Variants in CSMD2 observed in about 807,000 individuals in gnomAD.
CSMD2 encodes the protein CUB and Sushi multiple domains 2.
In CSMD2, 130 loss-of-function variants were observed where a neutral mutation model predicts 398.5. The ratio of observed to expected loss-of-function variants is 0.33; its 90% CI spans 0.28 to 0.38. The LOEUF is 0.38. Ranked by LOEUF, CSMD2 falls within the 10% of genes least tolerant of loss-of-function variation. The pLI is 1.00. For synonymous variants in CSMD2, 1,828 were observed against 1,908.5 expected (o/e 0.96, Z 1.10); for missense variants, 3,829 against 4,764.9 (o/e 0.80, Z 5.78).
intron 10 of CSMD2, among the ~76,000 whole-genome samples, chr1:33,808,659 G>C (rs1376153939): frequency 6.6e-6 from 1 of 151,712 alleles, no homozygotes; most frequent in Non-Finnish European, 1.5e-5. Flanking sequence ...AATGAACAAA[G>C]CATCAAAATT....
rs142807994 is a variant in CSMD2, at chr1:34,085,631, T to A, written c.404+3346A>T. ...AGAGGAGACAGAAGATTTTTTGAGG[T>A]TTAGGGGGAAAAGAGCTGACCATTT... On this transcript the variant is annotated intron_variant, in intron 2 of 70. Coordinates refer to ENST00000373381, the MANE Select transcript of CSMD2 (RefSeq NM_001281956.2). Among the ~76,000 whole-genome samples, 940 of 152,160 alleles carry A rather than the reference T, an allele frequency of 6.2e-3. 9 individuals carry two copies. Among genetic ancestry groups the A allele is most frequent in the African/African-American group, 0.022 (901 of 41,526 alleles).
At chr1:33,800,761 CCAGA>C (rs1655500234) in intron 10 of CSMD2, among the ~76,000 whole-genome samples, 1 of 152,082 alleles carries the variant, frequency 6.6e-6, no homozygotes, top group Non-Finnish European at 1.5e-5. Flanking sequence ...ATGGCCACAG[CCAGA>C]TCTGGGCGAG....
intron 5 of CSMD2, among the ~76,000 whole-genome samples, chr1:33,915,192 G>A (rs1486675725): frequency 2.0e-5 from 3 of 152,148 alleles, no homozygotes; most frequent in African/African-American, 7.2e-5. Flanking sequence ...AACAGGATCT[G>A]TTGTTTTTCT....
chr1:34,007,147 C>T (rs758873518), intron 3 of CSMD2, among the ~76,000 whole-genome samples: 8 of 152,072 alleles, frequency 5.3e-5, no homozygotes, highest in African/African-American at 1.2e-4. Context: ...AGGACTGGCC[C>T]GCCTCGACCT....
chr1:33,910,294 C>A (rs1643377196), intron 5 of CSMD2, among the ~76,000 whole-genome samples: 2 of 152,204 alleles, frequency 1.3e-5, no homozygotes, highest in African/African-American at 4.8e-5. Context: ...TCATATCCTG[C>A]ACTTCCTCTC....
intron 28 of CSMD2, among the ~76,000 whole-genome samples, chr1:33,648,783 A>G (rs1643599411): frequency 6.6e-6 from 1 of 152,212 alleles, no homozygotes; most frequent in Non-Finnish European, 1.5e-5. Flanking sequence ...CAAGAGTTTC[A>G]ATGGGAAATC....
At chr1:33,812,690 C>A (rs1656997350) in intron 9 of CSMD2, among the ~76,000 whole-genome samples, 1 of 152,130 alleles carries the variant, frequency 6.6e-6, no homozygotes, top group African/African-American at 2.4e-5. Context: ...TAAAATGGGA[C>A]AAATGATACC....
intron 1 of CSMD2, among the ~76,000 whole-genome samples, chr1:34,105,828 A>G (rs549453961): frequency 1.3e-5 from 2 of 152,370 alleles, no homozygotes; most frequent in African/African-American, 2.4e-5. Context: ...GTAATGTTCT[A>G]TGGAAATATC....
intron 1 of CSMD2, among the ~76,000 whole-genome samples, chr1:34,131,148 G>T (rs1362333234): frequency 6.6e-6 from 1 of 152,076 alleles, no homozygotes; most frequent in African/African-American, 2.4e-5. Context: ...CATGCACTAG[G>T]TCCCTGCAAG....
intron 2 of CSMD2, among the ~76,000 whole-genome samples, chr1:34,067,046 A>G (rs1202252684): frequency 6.6e-6 from 1 of 152,182 alleles, no homozygotes; most frequent in Non-Finnish European, 1.5e-5. Context: ...CAGGGAAGGC[A>G]CAGGCGAGGA....
intron 25 of CSMD2, among the ~76,000 whole-genome samples, chr1:33,677,399 A>T (rs1185368961): frequency 3.9e-5 from 6 of 152,242 alleles, no homozygotes; most frequent in Non-Finnish European, 5.9e-5. Flanking sequence ...TGCAAATCAA[A>T]ACCACAATGA....
intron 1 of CSMD2, among the ~76,000 whole-genome samples, chr1:34,138,287 G>C (rs1638949444): frequency 1.3e-5 from 2 of 152,198 alleles, no homozygotes; most frequent in African/African-American, 4.8e-5. Context: ...TTTCCTCCAG[G>C]AGAGGGATTT....
rs930473098 is a variant in CSMD2 at position 33,539,096 on chromosome 1, T to C, written c.9631+1429A>G. On this transcript the variant is annotated intron_variant, in intron 60 of 70. Coordinates refer to ENST00000373381, the MANE Select transcript of CSMD2 (RefSeq NM_001281956.2). ...CATTCTCCTGCCCCAACCTCCCGAG[T>C]AGGTGGGACTACAGGCGCCCGCCAC... is the stretch of plus-strand genomic sequence containing the variant. Among the ~76,000 whole-genome samples the C allele has an allele frequency of 3.3e-5, 5 of 152,108 alleles. 1 individual carries two copies. The highest frequency in any genetic ancestry group is 1.3e-4 in the Admixed American group (2 of 15,280).
intron 5 of CSMD2, among the ~76,000 whole-genome samples, chr1:33,891,098 TCA>T (rs1481989886): frequency 6.6e-6 from 1 of 151,686 alleles, no homozygotes; most frequent in Admixed American, 6.6e-5. Context: ...GAAACTACCA[TCA>T]GAGTGAACAG....
intron 22 of CSMD2, among the ~76,000 whole-genome samples, chr1:33,703,689 T>C (rs960682263): frequency 1.3e-5 from 2 of 152,252 alleles, no homozygotes; most frequent in East Asian, 1.9e-4. Context: ...CTCTAGAGCA[T>C]ACATCTAGCA....
At chr1:33,887,835 C>T (rs1641704785) in intron 5 of CSMD2, among the ~76,000 whole-genome samples, 1 of 151,966 alleles carries the variant, frequency 6.6e-6, no homozygotes, top group African/African-American at 2.4e-5. Flanking sequence ...TTACTTGCAG[C>T]TAATATGATT....
rs138429043 is a variant in CSMD2, at chr1:33,852,343, C to T, written c.921-5347G>A. Reference sequence around the variant, plus strand: ...GAAAGCCAGCAGCAATGGTTGAACCCACTGGCTCCAGAATAAAGTCCAAGC... The same window carrying T: ...GAAAGCCAGCAGCAATGGTTGAACCTACTGGCTCCAGAATAAAGTCCAAGC... On this transcript the variant is annotated intron_variant, in intron 5 of 70. Coordinates refer to ENST00000373381, the MANE Select transcript of CSMD2 (RefSeq NM_001281956.2). 3.8e-3 allele frequency among the ~76,000 whole-genome samples: 586 copies of T among 152,328 alleles called. 5 individuals are homozygous for T. The highest frequency in any genetic ancestry group is 0.014 in the African/African-American group (562 of 41,576).
chr1:34,144,990 A>G (rs1029498773), intron 1 of CSMD2, among the ~76,000 whole-genome samples: 11 of 152,342 alleles, frequency 7.2e-5, no homozygotes, highest in South Asian at 2.1e-4. Context: ...CTGATCGGTG[A>G]GACCGAGCTG....
rs769044419 is a variant in CSMD2 at position 33,600,877 on chromosome 1, T to C, written c.6844A>G (p.Ile2282Val). 1 of 1,614,086 alleles carries C rather than the reference T, an allele frequency of 6.2e-7. No individual in the cohort carries two copies. The highest frequency in any genetic ancestry group is 8.5e-7 in the Non-Finnish European group (1 of 1,180,004). Residue 2282 changes from isoleucine (I) to valine (V), a missense_variant, in exon 44 of 71, where the codon ATA becomes GTA. By Grantham distance (29) the Ile-to-Val change is conservative. Coordinates refer to ENST00000373381, the MANE Select transcript of CSMD2 (RefSeq NM_001281956.2). ...RDAATGGIFA[I>V]AFSAYPLTKC... ...CTTCCATACTGACCGGAGAAAGCTA[T>C]GGCGAAGATCCCCCCTGTGGCTGCA...
Sources: gnomAD v4.1 joint callset for allele counts (sites outside exome capture counted in the v4.1 genomes callset) on GRCh38, gnomAD v4.1.1 for gene constraint, MANE v1.5 for transcripts, NCBI Gene and HGNC (gene_info 2026-07-23, HGNC 2026-07-21) for gene names.